The following ADCK1 variants were observed in gnomAD, a reference collection of about 807,000 sequenced individuals.
ADCK1 encodes the protein aarF domain containing kinase 1, also known as aarF domain-containing protein kinase 1.
ADCK1 carries 41 observed loss-of-function variants against 52.3 expected under a neutral mutation model. The ratio of observed to expected loss-of-function variants is 0.78; its 90% CI spans 0.61 to 1.02. The LOEUF is 1.02. Among genes scored for constraint, ADCK1 ranks in the 50% least tolerant of loss-of-function variants. The probability of loss-of-function intolerance (pLI) is 0.00; values close to 1 mark genes in which losing one functional copy is unlikely to be tolerated. For synonymous variants in ADCK1, 250 were observed against 274.6 expected (o/e 0.91, Z 0.89); for missense variants, 658 against 679.5 (o/e 0.97, Z 0.35).
At chr14:77,894,760 TTTTTA>T in intron 5 of ADCK1, among the ~76,000 whole-genome samples, 1 of 130,664 alleles carries the variant, frequency 7.7e-6, no homozygotes, top group African/African-American at 3.0e-5. Flanking sequence ...TTTTTTTTTT[TTTTTA>T]GATGGAGTCT....
intron 4 of ADCK1, among the ~76,000 whole-genome samples, chr14:77,884,177 TG>T (rs2083096360): frequency 6.6e-6 from 1 of 152,180 alleles, no homozygotes; most frequent in South Asian, 2.1e-4. Flanking sequence ...GGTGGAGGCT[TG>T]GGGTAAGGAC....
intron 3 of ADCK1, among the ~76,000 whole-genome samples, chr14:77,844,934 G>C (rs2082145904): frequency 6.6e-6 from 1 of 152,214 alleles, no homozygotes; most frequent in Non-Finnish European, 1.5e-5. Flanking sequence ...GCGTGCTGTG[G>C]TTGATTAGTG....
intron 8 of ADCK1, 22 bp downstream of exon 8, chr14:77,924,628 C>T: frequency 1.2e-6 from 2 of 1,610,500 alleles, no homozygotes; most frequent in Non-Finnish European, 1.7e-6. Context: ...CTTTGTTACC[C>T]AGCCCTGGGG....
At position 77,859,201 on chromosome 14, in the gene ADCK1, G is replaced by A. The variant is rs778973947; in HGVS notation, c.345G>A (p.Leu115=). The A allele has an allele frequency of 6.2e-7, 1 of 1,614,090 alleles. No homozygotes were observed. Among genetic ancestry groups the A allele is most frequent in the Non-Finnish European group, 8.5e-7 (1 of 1,180,010 alleles). ...YLLPEEYTST[L]KVLHSQAPQS... ...TGCCAGAGGAGTACACCAGCACGCT[G>A]AAGGTACTGCACAGCCAGGCTCCAC... The change falls in exon 4 of 11, where the codon CTG becomes CTA. Residue 115 remains leucine (L), a synonymous_variant. Coordinates refer to ENST00000238561, the MANE Select transcript of ADCK1 (RefSeq NM_020421.4).
At chr14:77,837,772 C>T (rs2081991775) in intron 3 of ADCK1, among the ~76,000 whole-genome samples, 1 of 152,216 alleles carries the variant, frequency 6.6e-6, no homozygotes, top group South Asian at 2.1e-4. Flanking sequence ...TCTCCCATCC[C>T]CTCAGCCCTC....
intron 7 of ADCK1, chr14:77,914,579 T>C (rs2083873680): frequency 2.0e-6 from 2 of 985,172 alleles, no homozygotes; most frequent in Non-Finnish European, 2.4e-6. Context: ...TTTATAGAGG[T>C]TGGGTCCTGG....
At chr14:77,911,953 T>A (rs1270998330) in intron 7 of ADCK1, among the ~76,000 whole-genome samples, 1 of 152,190 alleles carries the variant, frequency 6.6e-6, no homozygotes, top group Non-Finnish European at 1.5e-5. Flanking sequence ...ACTGTCCAGA[T>A]AAAGTTGCAA....
rs80225583 is a variant in ADCK1, at chr14:77,861,119, C to T, written c.423+1840C>T. ...TCCCCTCCACCCCCTGCCGATTAGC[C>T]CTGAGCACAGTGGCCATGTGGCTCC... is the stretch of plus-strand genomic sequence containing the variant. On this transcript the variant is annotated intron_variant, in intron 4 of 10. Coordinates refer to ENST00000238561, the MANE Select transcript of ADCK1 (RefSeq NM_020421.4). Among the ~76,000 whole-genome samples, 749 of 152,300 alleles carry T rather than the reference C, an allele frequency of 4.9e-3. 7 individuals carry two copies. Among genetic ancestry groups the T allele is most frequent in the African/African-American group, 0.017 (714 of 41,554 alleles).
At chr14:77,917,520 G>A (rs1430478880) in intron 7 of ADCK1, among the ~76,000 whole-genome samples, 1 of 152,156 alleles carries the variant, frequency 6.6e-6, no homozygotes, top group Non-Finnish European at 1.5e-5. Flanking sequence ...GCCAATTCAA[G>A]TTTTGAGAAA....
At chr14:77,855,175 A>G (rs541848581) in intron 3 of ADCK1, among the ~76,000 whole-genome samples, 3 of 152,210 alleles carry the variant, frequency 2.0e-5, no homozygotes, top group African/African-American at 4.8e-5. Flanking sequence ...ATTTCTAGAG[A>G]CTTGTGAGTA....
chr14:77,863,563 G>A (rs532368706), intron 4 of ADCK1, among the ~76,000 whole-genome samples: 5 of 152,138 alleles, frequency 3.3e-5, no homozygotes, highest in Admixed American at 6.5e-5. Context: ...CAAGCCGTGC[G>A]TGGTGGCTCA....
intron 5 of ADCK1, 22 bp downstream of exon 5, chr14:77,887,271 T>C: frequency 6.5e-7 from 1 of 1,539,096 alleles, no homozygotes; most frequent in Non-Finnish European, 8.8e-7. Flanking sequence ...CCCTTTCTCC[T>C]TCCTGTGTCC....
intron 6 of ADCK1, among the ~76,000 whole-genome samples, chr14:77,901,756 A>G (rs1399383551): frequency 6.6e-6 from 1 of 152,214 alleles, no homozygotes; most frequent in Non-Finnish European, 1.5e-5. Flanking sequence ...AGAGAGATGT[A>G]TGCTACACCA....
chr14:77,802,857 G>A (rs1398711144), intron 1 of ADCK1, among the ~76,000 whole-genome samples: 1 of 152,120 alleles, frequency 6.6e-6, no homozygotes, highest in African/African-American at 2.4e-5. Flanking sequence ...AGGAGGCTGA[G>A]GCAGGAGAAT....
At chr14:77,915,665 A>C (rs1386245736) in intron 7 of ADCK1, among the ~76,000 whole-genome samples, 5 of 152,348 alleles carry the variant, frequency 3.3e-5, no homozygotes, top group African/African-American at 4.8e-5. Context: ...CAAGGACAAA[A>C]GGACCAAATC....
intron 3 of ADCK1, among the ~76,000 whole-genome samples, chr14:77,822,742 T>G (rs555494966): frequency 1.9e-4 from 29 of 152,236 alleles, no homozygotes; most frequent in African/African-American, 7.0e-4. Flanking sequence ...GGATTGAGGC[T>G]GGGGGCATTG....
chr14:77,900,296 T>G (rs1447658118), intron 6 of ADCK1, among the ~76,000 whole-genome samples: 3 of 151,882 alleles, frequency 2.0e-5, no homozygotes, highest in African/African-American at 7.3e-5. Context: ...TCCTTTGAAA[T>G]GGGACGGAGG....
At chr14:77,879,801 G>A (rs1428277795) in intron 4 of ADCK1, among the ~76,000 whole-genome samples, 3 of 152,126 alleles carry the variant, frequency 2.0e-5, no homozygotes, top group African/African-American at 7.2e-5. Context: ...CTGAGAGTCC[G>A]AAACTGCTGA....
At chr14:77,890,143 A>G (rs865892728) in intron 5 of ADCK1, among the ~76,000 whole-genome samples, 1 of 152,258 alleles carries the variant, frequency 6.6e-6, no homozygotes, top group African/African-American at 2.4e-5. Context: ...AACAACAGTC[A>G]TGTGTTTTGC....
Sources: gnomAD v4.1 joint callset for allele counts (sites outside exome capture counted in the v4.1 genomes callset) on GRCh38, gnomAD v4.1.1 for gene constraint, MANE v1.5 for transcripts, NCBI Gene and HGNC (gene_info 2026-07-23, HGNC 2026-07-21) for gene names.